The following PRMT8 variants were observed in gnomAD, a reference collection of about 807,000 sequenced individuals.
PRMT8 encodes the protein protein arginine N-methyltransferase 8.
A neutral mutation model predicts 47.1 loss-of-function variants in PRMT8; 7 were observed. The ratio of observed to expected loss-of-function variants is 0.15; its 90% CI spans 0.08 to 0.28. The LOEUF (loss-of-function observed/expected upper bound fraction) is 0.28. Among genes scored for constraint, PRMT8 ranks in the 10% least tolerant of loss-of-function variants. The pLI is 1.00. For missense variants in PRMT8, 237 were observed against 505.4 expected, an observed-to-expected ratio of 0.47 and a Z score of 5.09; for synonymous variants, 188 against 186.5, an observed-to-expected ratio of 1.01 and a Z score of -0.07.
intron 1 of PRMT8, among the ~76,000 whole-genome samples, chr12:3,484,184 T>C (rs1865300726): frequency 6.6e-6 from 1 of 152,208 alleles, no homozygotes; most frequent in Admixed American, 6.5e-5. Context: ...CTCTTCAGCC[T>C]TTATTTTGGC....
At chr12:3,520,867 T>C (rs943418756) in intron 1 of PRMT8, among the ~76,000 whole-genome samples, 35 of 152,178 alleles carry the variant, frequency 2.3e-4, no homozygotes, top group Non-Finnish European at 2.9e-5. Context: ...GCCTAATAAA[T>C]AGCAGGTGGA....
At chr12:3,470,332 T>G (rs1865146283) in intron 1 of PRMT8, among the ~76,000 whole-genome samples, 1 of 152,122 alleles carries the variant, frequency 6.6e-6, no homozygotes, top group Admixed American at 6.5e-5. Flanking sequence ...TCACTTTGGT[T>G]GTTTTTCCAT....
intron 1 of PRMT8, among the ~76,000 whole-genome samples, chr12:3,444,583 G>A (rs1442959327): frequency 6.6e-6 from 1 of 152,232 alleles, no homozygotes; most frequent in Non-Finnish European, 1.5e-5. Flanking sequence ...GGTTAGAGGG[G>A]AAATTTAGAG....
At position 3,583,287 on chromosome 12, in the gene PRMT8, C is replaced by A; in HGVS notation, c.979+79C>A. On this transcript the variant is annotated intron_variant, in intron 8 of 9. Coordinates refer to ENST00000382622, the MANE Select transcript of PRMT8 (RefSeq NM_019854.5). The surrounding 1 kb of genome is among the most constrained non-coding windows in gnomAD (Gnocchi z 4.7). ...TCTTTGTGGGGTGACCAGAGCTGGCCTTGACTTGGGGAGAAGGGGCTGGGT... is the reference window on the plus strand; with the variant it reads ...TCTTTGTGGGGTGACCAGAGCTGGCATTGACTTGGGGAGAAGGGGCTGGGT... 6.8e-7 allele frequency: 1 copy of A among 1,464,896 alleles called. No individual in the cohort carries two copies. 90.7% of individuals were successfully genotyped at this position (1,464,896 alleles called of 1,614,324 possible).
At chr12:3,484,942 C>T (rs11062679) in intron 1 of PRMT8, among the ~76,000 whole-genome samples, 28,446 of 152,014 alleles carry the variant, frequency 0.19, 2,839 homozygotes, top group South Asian at 0.29. Flanking sequence ...TTCTACTAGG[C>T]ACTGGTATGG....
At chr12:3,394,559 G>A (rs998862911) in intron 1 of PRMT8, among the ~76,000 whole-genome samples, 2 of 152,110 alleles carry the variant, frequency 1.3e-5, no homozygotes, top group Non-Finnish European at 2.9e-5. Context: ...CAGGGATGAA[G>A]CCCACTTGAT....
intron 1 of PRMT8, among the ~76,000 whole-genome samples, chr12:3,539,346 C>T (rs982435091): frequency 3.3e-5 from 5 of 152,180 alleles, no homozygotes; most frequent in Non-Finnish European, 5.9e-5. Flanking sequence ...AGCCAACAAG[C>T]GCTGGGTTTC....
At chr12:3,496,215 T>TATATATATATATATATAAA (rs1555085719) in intron 1 of PRMT8, among the ~76,000 whole-genome samples, 1 of 24,332 alleles carries the variant, frequency 4.1e-5, no homozygotes, top group Non-Finnish European at 6.4e-5. Context: ...TATATATATA[T>TATATATATATATATATAAA]TTTTTTTTTT....
At chr12:3,388,051 T>TCCTTCCTTCCTCCCTC (rs71061113) in intron 1 of PRMT8, among the ~76,000 whole-genome samples, 13 of 134,436 alleles carry the variant, frequency 9.7e-5, no homozygotes, top group Non-Finnish European at 1.6e-4. Flanking sequence ...TTTCCTTCCT[T>TCCTTCCTTCCTCCCTC]CCTCCCTCCC....
intron 1 of PRMT8, among the ~76,000 whole-genome samples, chr12:3,496,909 A>G (rs1402868081): frequency 7.2e-6 from 1 of 138,448 alleles, no homozygotes; most frequent in Non-Finnish European, 1.5e-5. Flanking sequence ...TTAAGAAGAT[A>G]CCCAATTTTT....
chr12:3,397,524 G>C (rs537637928), intron 1 of PRMT8, among the ~76,000 whole-genome samples: 67 of 150,958 alleles, frequency 4.4e-4, no homozygotes, highest in Middle Eastern at 3.5e-3. Context: ...AGGCTGCTCG[G>C]GGGTCAGGGG....
At chr12:3,411,265 A>G (rs957300983) in intron 1 of PRMT8, among the ~76,000 whole-genome samples, 2 of 152,180 alleles carry the variant, frequency 1.3e-5, no homozygotes, top group Non-Finnish European at 2.9e-5. Context: ...TTGCTTATAG[A>G]GTCTACCTGT....
intron 4 of PRMT8, among the ~76,000 whole-genome samples, chr12:3,568,437 G>T (rs1288106945): frequency 6.6e-6 from 1 of 152,262 alleles, no homozygotes; most frequent in African/African-American, 2.4e-5. Context: ...TCACAGGGCT[G>T]TTGGAAGGAT....
Position 3,580,742 on chromosome 12 carries a change from G to A in PRMT8, c.829-2316G>A, listed in dbSNP as rs1416165154. Among the ~76,000 whole-genome samples, 3 of 152,146 alleles carry A rather than the reference G, an allele frequency of 2.0e-5. No individual in the cohort carries two copies. The highest frequency in any genetic ancestry group is 4.4e-5 in the Non-Finnish European group (3 of 68,016). Reference sequence around the variant, plus strand: ...ACTGGTGACGGAGGGAACCAAGAAAGAAAGATACCAGGGACCTTGGAAAGA... The same window carrying A: ...ACTGGTGACGGAGGGAACCAAGAAAAAAAGATACCAGGGACCTTGGAAAGA... On this transcript the variant is annotated intron_variant, in intron 7 of 9. Transcript: ENST00000382622. The surrounding 1 kb of genome is among the most constrained non-coding windows in gnomAD (Gnocchi z 4.6).
intron 1 of PRMT8, among the ~76,000 whole-genome samples, chr12:3,515,551 TC>T (rs1865778365): frequency 6.6e-6 from 1 of 152,154 alleles, no homozygotes; most frequent in Non-Finnish European, 1.5e-5. Flanking sequence ...GCAAATTGCC[TC>T]CCCATCCCAG....
rs1220364739 is a variant in PRMT8, at chr12:3,572,970, T to C, written c.712+3406T>C. On this transcript the variant is annotated intron_variant, in intron 6 of 9. Transcript: ENST00000382622. The surrounding 1 kb of genome is among the most constrained non-coding windows in gnomAD (Gnocchi z 5.9). ...GATTCTGATGTGTCTAGGTGTGTTT[T>C]TCTTTTTATTTATCCTGCTTGGGGT... Among the ~76,000 whole-genome samples, 1 of 152,250 alleles carries C rather than the reference T, an allele frequency of 6.6e-6. No individual in the cohort carries two copies. Among genetic ancestry groups the C allele is most frequent in the Non-Finnish European group, 1.5e-5 (1 of 68,052 alleles).
At chr12:3,460,011 G>A (rs1273498992) in intron 1 of PRMT8, among the ~76,000 whole-genome samples, 1 of 152,150 alleles carries the variant, frequency 6.6e-6, no homozygotes, top group Non-Finnish European at 1.5e-5. Context: ...CATTTTAATT[G>A]TCCCCTGGGA....
chr12:3,510,658 G>T (rs1490371575), intron 1 of PRMT8, among the ~76,000 whole-genome samples: 1 of 152,112 alleles, frequency 6.6e-6, no homozygotes, highest in Non-Finnish European at 1.5e-5. Flanking sequence ...CAGGGCCTGG[G>T]GCCTTGTCCA....
chr12:3,569,535 A>G lies in PRMT8; in HGVS notation c.683A>G (p.Asp228Gly). The change falls in exon 6 of 10, where the codon GAC becomes GGC. Residue 228 changes from aspartate (D) to glycine (G), a missense_variant. Transcript: ENST00000382622. The surrounding 1 kb of genome is among the most constrained non-coding windows in gnomAD (Gnocchi z 8.2). The part of the protein sequence containing the change: ...RAALYVVAIE[D>G]RQYKDFKIHW... ...GCTTTGTACGTGGTAGCGATTGAAG[A>G]CAGACAGTACAAGGACTTCAAAATC... The G allele has an allele frequency of 6.2e-7, 1 of 1,614,164 alleles. No individual in the cohort carries two copies. The highest frequency in any genetic ancestry group is 8.5e-7 in the Non-Finnish European group (1 of 1,180,020).
Sources: gnomAD v4.1 joint callset for allele counts (sites outside exome capture counted in the v4.1 genomes callset) on GRCh38, gnomAD v4.1.1 for gene constraint, Gnocchi (gnomAD v3.1) non-coding constraint, MANE v1.5 for transcripts, NCBI Gene and HGNC (gene_info 2026-07-23, HGNC 2026-07-21) for gene names.